The following SGSM1 variants were observed in gnomAD, a reference collection of about 807,000 sequenced individuals.
SGSM1 encodes small G protein signaling modulator 1.
Under a neutral mutation model 133.8 loss-of-function variants are expected in SGSM1, and 73 were observed. That is an observed-to-expected ratio of 0.55 (90% CI 0.45 to 0.66). SGSM1 has a LOEUF of 0.66. SGSM1 is among the 30% of genes least tolerant of loss of function. The probability of loss-of-function intolerance (pLI) is 0.00; values close to 1 mark genes in which losing one functional copy is unlikely to be tolerated. For synonymous variants in SGSM1, 563 were observed against 573.0 expected (o/e 0.98, Z 0.25); for missense variants, 1,213 against 1,448.1 (o/e 0.84, Z 2.64).
chr22:24,863,302 G>T (rs1161563308), intron 9 of SGSM1, among the ~76,000 whole-genome samples: 1 of 151,692 alleles, frequency 6.6e-6, no homozygotes, highest in Non-Finnish European at 1.5e-5. Flanking sequence ...GACTACAGGC[G>T]CCCACCACTA....
chr22:24,840,579 GTA>G (rs1408763916), intron 2 of SGSM1, among the ~76,000 whole-genome samples: 1 of 151,716 alleles, frequency 6.6e-6, no homozygotes, highest in Non-Finnish European at 1.5e-5. Flanking sequence ...CTGACCTCAG[GTA>G]ATCCGCCCGC....
At chr22:24,859,897 G>C in intron 9 of SGSM1, 57 bp downstream of exon 9, 15 of 1,604,688 alleles carry the variant, frequency 9.3e-6, no homozygotes, top group Non-Finnish European at 1.3e-5. Context: ...CTTGGCACAA[G>C]GAAGTTCCTC....
intron 12 of SGSM1, among the ~76,000 whole-genome samples, chr22:24,872,822 G>A (rs1180739695): frequency 6.6e-6 from 1 of 152,100 alleles, no homozygotes; most frequent in Non-Finnish European, 1.5e-5. Context: ...GGGAGGCTGA[G>A]TCAGGAGAAT....
chr22:24,807,552 C>T (rs559165010), intron 2 of SGSM1, among the ~76,000 whole-genome samples: 6 of 151,818 alleles, frequency 4.0e-5, no homozygotes, highest in Admixed American at 1.3e-4. Context: ...CGTCTGTGTG[C>T]GTGTGTCTTG....
rs550974852 is a variant in SGSM1, at chr22:24,889,798, C to T, written c.1770+3070C>T. On this transcript the variant is annotated intron_variant, in intron 16 of 24. Transcript: ENST00000400358. Reference sequence around the variant, plus strand: ...CCAAATAGCTGGGACTACAGGCGCCCGCCACCATGCCTGGCTAATTTTTTG... The same window carrying T: ...CCAAATAGCTGGGACTACAGGCGCCTGCCACCATGCCTGGCTAATTTTTTG... Among the ~76,000 whole-genome samples, 271 of 140,018 alleles carry T rather than the reference C, an allele frequency of 1.9e-3. 1 individual carries two copies. The East Asian group carries it at 0.02, about 11-fold the overall frequency. The allele number at this position is 140,018 out of a possible 152,430, so 91.9% of individuals were successfully genotyped here.
intron 16 of SGSM1, among the ~76,000 whole-genome samples, chr22:24,892,670 G>A (rs76206650): frequency 0.018 from 2,688 of 152,086 alleles, 72 homozygotes; most frequent in African/African-American, 0.06. Flanking sequence ...GTATGTAATA[G>A]GTACTTATCA....
At chr22:24,819,154 A>C (rs5996766) in intron 2 of SGSM1, among the ~76,000 whole-genome samples, 11 of 151,488 alleles carry the variant, frequency 7.3e-5, no homozygotes, top group South Asian at 2.1e-4. Flanking sequence ...AAAAAAAAAA[A>C]AAAACAATAA....
At chr22:24,844,371 G>A (rs1929970464) in intron 2 of SGSM1, 1 of 152,536 alleles carries the variant, frequency 6.6e-6, no homozygotes, top group South Asian at 2.1e-4. Context: ...ACTAAAAATA[G>A]AAAAGTTAGC....
chr22:24,817,720 A>G (rs1001657053), intron 2 of SGSM1, among the ~76,000 whole-genome samples: 5 of 152,140 alleles, frequency 3.3e-5, no homozygotes, highest in Middle Eastern at 3.2e-3. Flanking sequence ...ACGGTTTAGC[A>G]TCACCCTGTG....
intron 2 of SGSM1, among the ~76,000 whole-genome samples, chr22:24,822,088 C>CTCTTTTTTTTTTTTTTTTTTTTTTTTTT (rs1555920070): frequency 4.2e-5 from 4 of 96,124 alleles, no homozygotes; most frequent in Admixed American, 1.4e-4. Flanking sequence ...TCATCTCTCT[C>CTCTTTTTTTTTTTTTTTTTTTTTTTTTT]TTTTTTTTTT....
intron 16 of SGSM1, 99 bp from the exon 17 acceptor site, chr22:24,893,332 A>C: frequency 2.4e-6 from 3 of 1,266,254 alleles, no homozygotes; most frequent in Non-Finnish European, 2.2e-6. Context: ...AACTGCGTGA[A>C]TGTTGGATGG....
chr22:24,873,378 A>G (rs1282168125), intron 12 of SGSM1, among the ~76,000 whole-genome samples: 1 of 151,974 alleles, frequency 6.6e-6, no homozygotes, highest in Non-Finnish European at 1.5e-5. Flanking sequence ...GTTTTCTACG[A>G]TGTTGAGCAG....
chr22:24,921,949 C>A (rs903542989), intron 24 of SGSM1, among the ~76,000 whole-genome samples: 1 of 152,066 alleles, frequency 6.6e-6, no homozygotes, highest in Non-Finnish European at 1.5e-5. Context: ...GATCTGCCCA[C>A]CTCAGCTTCC....
At chr22:24,807,206 A>G (rs1368636573) in intron 2 of SGSM1, among the ~76,000 whole-genome samples, 2 of 152,076 alleles carry the variant, frequency 1.3e-5, no homozygotes, top group East Asian at 1.9e-4. Flanking sequence ...CCAGAACCCC[A>G]TAGACAGAAT....
intron 9 of SGSM1, 70 bp from the exon 10 acceptor site, chr22:24,867,023 G>A: frequency 6.8e-7 from 1 of 1,474,370 alleles, no homozygotes; most frequent in Non-Finnish European, 9.4e-7. Flanking sequence ...GTGGTCTGCT[G>A]GCCTCTGAGC....
chr22:24,901,983 A>G (rs2123712694), intron 20 of SGSM1, 26 bp downstream of exon 20: 1 of 107,016 alleles, frequency 9.3e-6, no homozygotes, highest in South Asian at 6.7e-5. Context: ...GAGGGGATCT[A>G]GGGGATGGGG....
chr22:24,907,756 C>CA (rs942683419), intron 21 of SGSM1, among the ~76,000 whole-genome samples: 38 of 151,252 alleles, frequency 2.5e-4, no homozygotes, highest in African/African-American at 9.0e-4. Context: ...ACTAAAAATG[C>CA]AAAAAATTAG....
chr22:24,885,398 T>G (rs2123674880), intron 15 of SGSM1, among the ~76,000 whole-genome samples: 1 of 150,664 alleles, frequency 6.6e-6, no homozygotes, highest in Middle Eastern at 3.5e-3. Context: ...TTTTACAACT[T>G]ATTTTTTTTT....
chr22:24,827,436 C>A (rs1928861396), intron 2 of SGSM1, among the ~76,000 whole-genome samples: 1 of 151,966 alleles, frequency 6.6e-6, no homozygotes, highest in Non-Finnish European at 1.5e-5. Flanking sequence ...CAGGGTGTGG[C>A]TGGACGTGGT....
Sources: allele counts gnomAD v4.1 joint callset (sites outside exome capture counted in the v4.1 genomes callset), GRCh38; gene constraint gnomAD v4.1.1; transcripts MANE v1.5; gene names NCBI Gene and HGNC (gene_info 2026-07-23, HGNC 2026-07-21).